CACNA1C: variants seen among roughly 807,000 people sequenced by gnomAD.
CACNA1C encodes the protein calcium voltage-gated channel subunit alpha1 C.
A neutral mutation model predicts 229.0 loss-of-function variants in CACNA1C; 30 were observed. The ratio of observed to expected loss-of-function variants is 0.13; its 90% CI spans 0.10 to 0.18. The LOEUF is 0.18. Among genes scored for constraint, CACNA1C ranks in the 10% least tolerant of loss-of-function variants. The pLI is 1.00. For synonymous variants in CACNA1C, 1,114 were observed against 1,132.5 expected (o/e 0.98, Z 0.33); for missense variants, 1,658 against 2,845.0 (o/e 0.58, Z 9.49).
chr12:2,179,167 A>G (rs2096756658), intron 3 of CACNA1C, among the ~76,000 whole-genome samples: 1 of 152,264 alleles, frequency 6.6e-6, no homozygotes, highest in South Asian at 2.1e-4. Context: ...AACAGGCATT[A>G]AAATGAATGT....
At chr12:2,362,295 C>G (rs1172407285) in intron 3 of CACNA1C, among the ~76,000 whole-genome samples, 1 of 152,114 alleles carries the variant, frequency 6.6e-6, no homozygotes, top group African/African-American at 2.4e-5. Flanking sequence ...GTGATGCAGG[C>G]TTGGGAATGC....
chr12:2,302,573 C>T (rs769448625), intron 3 of CACNA1C, among the ~76,000 whole-genome samples: 3 of 152,064 alleles, frequency 2.0e-5, no homozygotes, highest in East Asian at 3.9e-4. Context: ...CCGGGCCCCT[C>T]GGATGCTCCA....
intron 1 of CACNA1C, chr12:2,004,491 G>C: frequency 1.3e-6 from 2 of 1,531,048 alleles, no homozygotes; most frequent in East Asian, 4.6e-5. Flanking sequence ...ATAGATCGCA[G>C]AACGAGCGAG....
At chr12:2,503,920 G>C (rs2099766002) in intron 7 of CACNA1C, among the ~76,000 whole-genome samples, 1 of 152,198 alleles carries the variant, frequency 6.6e-6, no homozygotes. Flanking sequence ...TAACTTCCGG[G>C]CTTGGCCCAC....
In CACNA1C at chr12:2,678,864, T is replaced by C. The variant is rs2096960338; in HGVS notation, c.5092-580T>C. On this transcript the variant is annotated intron_variant, in intron 41 of 46. Coordinates refer to ENST00000399655, the MANE Select transcript of CACNA1C (RefSeq NM_000719.7). This position sits in a 1 kb window ranked among gnomAD's most constrained non-coding sequence, Gnocchi z 4.1. The stretch of plus-strand genomic sequence containing the variant: ...CACTTCCCCAGGACAAGGAAAAGAA[T>C]ACTGGGGAAAAACATTGGCTCCTGG... Among the ~76,000 whole-genome samples, 1 of 152,308 alleles carries C rather than the reference T, an allele frequency of 6.6e-6. No homozygotes were observed. Among genetic ancestry groups the C allele is most frequent in the African/African-American group, 2.4e-5 (1 of 41,572 alleles).
chr12:1,979,312 A>G (rs1355643997), intron 1 of CACNA1C, among the ~76,000 whole-genome samples: 4 of 138,830 alleles, frequency 2.9e-5, no homozygotes, highest in African/African-American at 1.1e-4. Flanking sequence ...CAGCGCCTGG[A>G]TTTTTTGTTT....
At chr12:2,335,025 C>T (rs1452579796) in intron 3 of CACNA1C, among the ~76,000 whole-genome samples, 1 of 152,160 alleles carries the variant, frequency 6.6e-6, no homozygotes, top group African/African-American at 2.4e-5. Context: ...CAGGGACTCC[C>T]ACGCCTGCTT....
In CACNA1C at chr12:2,067,729, A is replaced by C. The variant is rs563366265; in HGVS notation, c.49+14118A>C. Among the ~76,000 whole-genome samples, 2 of 152,212 alleles carry C rather than the reference A, an allele frequency of 1.3e-5. No homozygotes were observed. Among genetic ancestry groups the C allele is most frequent in the East Asian group, 3.9e-4 (2 of 5,174 alleles). ...TGGGCATCAAGGACAAGGAACCTGC[A>C]CTGTTAACCTCAGTCAGGGCGCAAC... On this transcript the variant is annotated intron_variant, in intron 1 of 46. Transcript: ENST00000399655. The surrounding 1 kb of genome is among the most constrained non-coding windows in gnomAD (Gnocchi z 5.3).
At chr12:2,207,138 C>A (rs544835994) in intron 3 of CACNA1C, among the ~76,000 whole-genome samples, 1 of 152,292 alleles carries the variant, frequency 6.6e-6, no homozygotes, top group Admixed American at 6.5e-5. Flanking sequence ...CTTCCCAAGG[C>A]AAGGCATCTT....
chr12:1,995,329 C>T (rs1006081534), intron 1 of CACNA1C, among the ~76,000 whole-genome samples: 6 of 152,236 alleles, frequency 3.9e-5, no homozygotes, highest in Non-Finnish European at 4.4e-5. Context: ...TGAGTGAGAA[C>T]GCACCCTGTG....
At chr12:2,435,119 A>G (rs1054736994) in intron 3 of CACNA1C, among the ~76,000 whole-genome samples, 2 of 152,100 alleles carry the variant, frequency 1.3e-5, no homozygotes, top group African/African-American at 4.8e-5. Context: ...TCCAGCAAAC[A>G]GGGGCTGCTG....
At chr12:2,414,196 C>T (rs1314568595) in intron 3 of CACNA1C, among the ~76,000 whole-genome samples, 2 of 152,238 alleles carry the variant, frequency 1.3e-5, no homozygotes, top group Non-Finnish European at 2.9e-5. Flanking sequence ...CCAAGTGTCA[C>T]TTGATTTACT....
At chr12:2,321,332 G>A (rs756641854) in intron 3 of CACNA1C, among the ~76,000 whole-genome samples, 23 of 151,924 alleles carry the variant, frequency 1.5e-4, no homozygotes, top group Admixed American at 8.5e-4. Context: ...CATAGCTTTT[G>A]GAGTCCCATT....
intron 7 of CACNA1C, among the ~76,000 whole-genome samples, chr12:2,503,158 G>A (rs1454939069): frequency 6.6e-6 from 1 of 152,218 alleles, no homozygotes. Flanking sequence ...CACCTGTAGG[G>A]CCGTCAAAAC....
In CACNA1C at chr12:2,608,774, C is replaced by A; in HGVS notation, c.3558+62C>A. The A allele has an allele frequency of 6.4e-7, 1 of 1,550,460 alleles. No homozygotes were observed. The highest frequency in any genetic ancestry group is 2.3e-5 in the East Asian group (1 of 43,808). On this transcript the variant is annotated intron_variant, in intron 27 of 46. Coordinates refer to ENST00000399655, the MANE Select transcript of CACNA1C (RefSeq NM_000719.7). This position sits in a 1 kb window ranked among gnomAD's most constrained non-coding sequence, Gnocchi z 4.2. ...CACGGAGGGAATGGCAGCCTGCGGC[C>A]CACCCCGCAGAGGGGCTGCGACAGG...
chr12:2,453,128 G>A (rs1014562706), intron 4 of CACNA1C, among the ~76,000 whole-genome samples: 1 of 152,120 alleles, frequency 6.6e-6, no homozygotes. Flanking sequence ...CCAAGACACA[G>A]ACCAGATAGA....
At chr12:2,083,646 T>C (rs1004147019) in intron 1 of CACNA1C, among the ~76,000 whole-genome samples, 2 of 152,250 alleles carry the variant, frequency 1.3e-5, no homozygotes, top group Non-Finnish European at 2.9e-5. Context: ...AAATGCTGTG[T>C]AAACTTTAAA....
intron 3 of CACNA1C, among the ~76,000 whole-genome samples, chr12:2,232,662 A>C (rs1363263388): frequency 1.3e-5 from 2 of 152,150 alleles, no homozygotes; most frequent in Admixed American, 6.5e-5. Flanking sequence ...TGTTTACAAC[A>C]GTTATTATGT....
intron 7 of CACNA1C, among the ~76,000 whole-genome samples, chr12:2,497,532 C>G (rs2099749194): frequency 1.3e-5 from 2 of 152,032 alleles, no homozygotes; most frequent in South Asian, 4.2e-4. Flanking sequence ...GACTTCTGTC[C>G]ACCCCATGCC....
Sources: gnomAD v4.1 joint callset for allele counts (sites outside exome capture counted in the v4.1 genomes callset) on GRCh38, gnomAD v4.1.1 for gene constraint, Gnocchi (gnomAD v3.1) non-coding constraint, MANE v1.5 for transcripts, NCBI Gene and HGNC (gene_info 2026-07-23, HGNC 2026-07-21) for gene names.